GRIK5: variants seen among roughly 807,000 people sequenced by gnomAD.
GRIK5 encodes the protein glutamate receptor ionotropic, kainate 5.
A neutral mutation model predicts 97.4 loss-of-function variants in GRIK5; 43 were observed. The ratio of observed to expected loss-of-function variants is 0.44; its 90% CI spans 0.35 to 0.57. The LOEUF is 0.57. Among genes scored for constraint, GRIK5 ranks in the 20% least tolerant of loss-of-function variants. The probability of loss-of-function intolerance (pLI) is 0.01; values close to 1 mark genes in which losing one functional copy is unlikely to be tolerated. For missense variants in GRIK5, 1,015 were observed against 1,382.0 expected, an observed-to-expected ratio of 0.73 and a Z score of 4.21; for synonymous variants, 580 against 583.5, an observed-to-expected ratio of 0.99 and a Z score of 0.09.
At chr19:42,016,146 C>T (rs944185980) in intron 15 of GRIK5, among the ~76,000 whole-genome samples, 2 of 152,218 alleles carry the variant, frequency 1.3e-5, no homozygotes, top group African/African-American at 4.8e-5. Context: ...TTTGGCCAGG[C>T]ACAGTGGCTC....
intron 9 of GRIK5, 45 bp from the exon 10 acceptor site, chr19:42,053,974 A>ATCTCTGGGCCCCT: frequency 7.4e-7 from 1 of 1,351,036 alleles, no homozygotes; most frequent in Admixed American, 1.7e-5. Flanking sequence ...GCAGGGGCCC[A>ATCTCTGGGCCCCT]GAGATGGGCA....
At chr19:42,051,608 T>C (rs1321856391) in intron 11 of GRIK5, among the ~76,000 whole-genome samples, 1 of 152,154 alleles carries the variant, frequency 6.6e-6, no homozygotes, top group Non-Finnish European at 1.5e-5. Flanking sequence ...TAGTCACAGC[T>C]CTAGGCCCTG....
At position 42,042,278 on chromosome 19, in the gene GRIK5, C is replaced by T. The variant is rs1029233506; in HGVS notation, c.1473+274G>A. Among the ~76,000 whole-genome samples, 4 of 152,156 alleles carry T rather than the reference C, an allele frequency of 2.6e-5. No homozygotes were observed. Among genetic ancestry groups the T allele is most frequent in the African/African-American group, 7.2e-5 (3 of 41,440 alleles). On this transcript the variant is annotated intron_variant, in intron 12 of 19. Coordinates refer to ENST00000593562, the MANE Select transcript of GRIK5 (RefSeq NM_002088.5). This position sits in a 1 kb window ranked among gnomAD's most constrained non-coding sequence, Gnocchi z 6.9. ...ATTCACTTAACAAATCTTTGCACACCGACTAATCCAAGGTGGCATGAAAGG... is the reference window on the plus strand; with the variant it reads ...ATTCACTTAACAAATCTTTGCACACTGACTAATCCAAGGTGGCATGAAAGG...
chr19:42,037,796 A>G (rs1302788837), intron 12 of GRIK5, among the ~76,000 whole-genome samples: 2 of 152,036 alleles, frequency 1.3e-5, no homozygotes, highest in African/African-American at 2.4e-5. Context: ...GTCCAGTGAC[A>G]TATCAGTGGG....
intron 15 of GRIK5, among the ~76,000 whole-genome samples, chr19:42,013,593 G>C (rs986340081): frequency 6.6e-6 from 1 of 151,742 alleles, no homozygotes; most frequent in Non-Finnish European, 1.5e-5. Context: ...GTATCTTTTA[G>C]TAGAGACAGG....
rs904603771 is a variant in GRIK5, at chr19:41,998,692, C to T, written c.*179G>A. ...CCTCTCGCGAGTCCACTGGGGGGCG[C>T]AGGCGGGCTCCAGAGCCAGGCCTCG... On this transcript the variant is annotated 3_prime_UTR_variant, in exon 20 of 20. Transcript: ENST00000593562. The T allele has an allele frequency of 1.4e-5, 3 of 214,666 alleles. No homozygotes were observed. Among genetic ancestry groups the T allele is most frequent in the Non-Finnish European group, 1.8e-5 (2 of 113,268 alleles). The allele number at this position is 214,666 out of a possible 1,614,324, so 13.3% of individuals were successfully genotyped here. A position where few individuals can be genotyped will look rare whatever the true frequency, so the allele number is the denominator to read the frequency against.
chr19:42,021,246 G>T lies in GRIK5; in HGVS notation c.1871+55C>A. ...ATGCCACAGCCCCAACCCCATCCAGGCCTCAGATGGGTCCCTCCCTCGCCC... is the reference window on the plus strand; with the variant it reads ...ATGCCACAGCCCCAACCCCATCCAGTCCTCAGATGGGTCCCTCCCTCGCCC... On this transcript the variant is annotated intron_variant, in intron 15 of 19. Coordinates refer to ENST00000593562, the MANE Select transcript of GRIK5 (RefSeq NM_002088.5). This position sits in a 1 kb window ranked among gnomAD's most constrained non-coding sequence, Gnocchi z 4.2. 7.0e-7 allele frequency: 1 copy of T among 1,437,548 alleles called. No homozygotes were observed. Among genetic ancestry groups the T allele is most frequent in the Non-Finnish European group, 9.6e-7 (1 of 1,045,774 alleles). 89.0% of individuals were successfully genotyped at this position (1,437,548 alleles called of 1,614,324 possible). A position where few individuals can be genotyped will look rare whatever the true frequency, so the allele number is the denominator to read the frequency against.
intron 12 of GRIK5, among the ~76,000 whole-genome samples, chr19:42,041,448 G>A (rs1010643475): frequency 1.3e-5 from 2 of 152,206 alleles, no homozygotes; most frequent in African/African-American, 2.4e-5. Context: ...TCTGCCAAGC[G>A]ATGTGTGAGG....
At chr19:42,044,795 C>T (rs903821098) in intron 11 of GRIK5, among the ~76,000 whole-genome samples, 4 of 152,152 alleles carry the variant, frequency 2.6e-5, no homozygotes, top group Admixed American at 2.6e-4. Flanking sequence ...ATAAAAAATA[C>T]AAAAATTAGC....
Position 42,056,893 on chromosome 19 carries a change from G to A in GRIK5, c.741+32C>T, listed in dbSNP as rs1474826322. 8.7e-6 allele frequency: 14 copies of A among 1,608,976 alleles called. No homozygotes were observed. In the East Asian group the frequency reaches 2.0e-4, roughly 23 times the overall value. On this transcript the variant is annotated intron_variant, in intron 7 of 19. Transcript: ENST00000593562. ...GGGACAGCTGTGATGGGAAGGAAGT[G>A]GGGGCAGAGATGGGCCAGAGGGCAT...
chr19:42,046,447 A>C (rs1332785923), intron 11 of GRIK5, among the ~76,000 whole-genome samples: 1 of 152,232 alleles, frequency 6.6e-6, no homozygotes, highest in African/African-American at 2.4e-5. Context: ...CTGCAGCCAG[A>C]CAATGAGATA....
At chr19:42,011,475 C>G (rs555708122) in intron 15 of GRIK5, among the ~76,000 whole-genome samples, 47 of 151,720 alleles carry the variant, frequency 3.1e-4, no homozygotes, top group African/African-American at 1.1e-3. Context: ...ATGGCATGAA[C>G]CCGGGAGGCG....
Position 42,054,354 on chromosome 19 carries a change from G to T in GRIK5, c.1022C>A (p.Pro341His). ...PLACTSANIW[P>H]HGTSLMNYLR... ...GTAGTTCATGAGGCTGGTCCCGTGGGGCCAAATGTTGGCCGATGTACAGGC... is the reference window on the plus strand; with the variant it reads ...GTAGTTCATGAGGCTGGTCCCGTGGTGCCAAATGTTGGCCGATGTACAGGC... Residue 341 changes from proline to histidine, a missense_variant, in exon 9 of 20, where the codon CCC (proline) becomes CAC (histidine). This residue lies in a region of GRIK5 where 477 missense variants were observed against 701.1 expected (regional missense o/e 0.68). Coordinates refer to ENST00000593562, the MANE Select transcript of GRIK5 (RefSeq NM_002088.5). The T allele has an allele frequency of 6.2e-7, 1 of 1,613,152 alleles. No homozygotes were observed.
At position 42,065,181 on chromosome 19, in the gene GRIK5, G is replaced by A. The variant is rs564128926; in HGVS notation, c.244+42C>T. ...GCAGAGGGATGGACTGAGGGCCACC[G>A]ACCTGCCCTGCCTCACCCCACGCCC... is the stretch of plus-strand genomic sequence containing the variant. On this transcript the variant is annotated intron_variant, in intron 3 of 19. Transcript: ENST00000593562. The surrounding 1 kb of genome is among the most constrained non-coding windows in gnomAD (Gnocchi z 5.8). 1.8e-5 allele frequency: 28 copies of A among 1,562,796 alleles called. No homozygotes were observed. The highest frequency in any genetic ancestry group is 6.8e-5 in the East Asian group (3 of 44,206).
Position 42,022,129 on chromosome 19 carries a change from G to T in GRIK5, c.1588-73C>A. 1 of 1,409,442 alleles carries T rather than the reference G, an allele frequency of 7.1e-7. No homozygotes were observed. Among genetic ancestry groups the T allele is most frequent in the Non-Finnish European group, 9.9e-7 (1 of 1,006,622 alleles). The allele number at this position is 1,409,442 out of a possible 1,614,324, so 87.3% of individuals were successfully genotyped here. A position where few individuals can be genotyped will look rare whatever the true frequency, so the allele number is the denominator to read the frequency against. On this transcript the variant is annotated intron_variant, in intron 13 of 19. Transcript: ENST00000593562. The surrounding 1 kb of genome is among the most constrained non-coding windows in gnomAD (Gnocchi z 4.2). ...CACACCCAGCCCCTGCCCTACCAGG[G>T]ACCTGGGAGCCTGACCGGCCCATCT...
intron 19 of GRIK5, among the ~76,000 whole-genome samples, chr19:42,001,181 G>A (rs1266772281): frequency 1.3e-5 from 2 of 152,236 alleles, no homozygotes; most frequent in Non-Finnish European, 2.9e-5. Flanking sequence ...CTGGTGAATC[G>A]TAAGCTGTTT....
chr19:42,065,124 A>T lies in GRIK5; in HGVS notation c.244+99T>A. On this transcript the variant is annotated intron_variant, in intron 3 of 19. Coordinates refer to ENST00000593562, the MANE Select transcript of GRIK5 (RefSeq NM_002088.5). This position sits in a 1 kb window ranked among gnomAD's most constrained non-coding sequence, Gnocchi z 5.8. ...CACAAAGAAGGGGGAGGATGGAGCT[A>T]GAAGAGGACAAGGCCAGGCCAGAGG... The T allele has an allele frequency of 9.9e-7, 1 of 1,005,608 alleles. No homozygotes were observed. The highest frequency in any genetic ancestry group is 1.5e-6 in the Non-Finnish European group (1 of 680,022). The allele number at this position is 1,005,608 out of a possible 1,614,324, so 62.3% of individuals were successfully genotyped here. A position where few individuals can be genotyped will look rare whatever the true frequency, so the allele number is the denominator to read the frequency against.
chr19:42,058,719 G>A (rs1243049826), intron 6 of GRIK5, among the ~76,000 whole-genome samples: 1 of 150,204 alleles, frequency 6.7e-6, no homozygotes, highest in African/African-American at 2.4e-5. Flanking sequence ...CCAGCTACTT[G>A]GGAGGCTGAC....
chr19:42,034,587 A>C (rs879484371), intron 12 of GRIK5, among the ~76,000 whole-genome samples: 1 of 152,008 alleles, frequency 6.6e-6, no homozygotes, highest in Non-Finnish European at 1.5e-5. Flanking sequence ...TTTGCTGCGC[A>C]CCAGCTGGGT....
Sources: allele counts gnomAD v4.1 joint callset (sites outside exome capture counted in the v4.1 genomes callset), GRCh38; gene constraint gnomAD v4.1.1; regional missense constraint gnomAD v4.1.1; non-coding constraint Gnocchi (gnomAD v3.1); transcripts MANE v1.5; gene names NCBI Gene and HGNC (gene_info 2026-07-23, HGNC 2026-07-21).